Variants in LRRC9 observed in about 807,000 individuals in gnomAD.
LRRC9 encodes leucine rich repeat containing 9.
LRRC9 carries 122 observed loss-of-function variants against 63.2 expected under a neutral mutation model. The observed-to-expected ratio is 1.93, with a 90% CI of 1.67 to 2.24. The LOEUF (loss-of-function observed/expected upper bound fraction) is 2.24. Ranked by LOEUF, LRRC9 falls within the 30% of genes most tolerant of loss-of-function variation. The pLI is 0.00. For missense variants in LRRC9, 1,071 were observed against 627.7 expected (o/e 1.71, Z -7.55); for synonymous variants, 366 against 213.1 (o/e 1.72, Z -6.25).
At chr14:59,921,956 C>T (rs535303788) in intron 1 of LRRC9, among the ~76,000 whole-genome samples, 28 of 151,608 alleles carry the variant, frequency 1.8e-4, no homozygotes, top group Non-Finnish European at 3.7e-4. Context: ...TGATGGCACG[C>T]GCCTGTAGTG....
At chr14:59,925,055 C>T (rs571982051) in intron 1 of LRRC9, among the ~76,000 whole-genome samples, 91 of 152,108 alleles carry the variant, frequency 6.0e-4, no homozygotes, top group African/African-American at 2.0e-3. Flanking sequence ...TTCCTCCCAC[C>T]GCTGTCATTC....
chr14:60,045,948 T>C (rs1452069182), intron 29 of LRRC9, among the ~76,000 whole-genome samples: 1 of 152,200 alleles, frequency 6.6e-6, no homozygotes, highest in East Asian at 1.9e-4. Flanking sequence ...TTTTGACTTT[T>C]TAGTAATTGC....
intron 19 of LRRC9, among the ~76,000 whole-genome samples, chr14:60,001,740 A>T (rs1017367298): frequency 6.6e-6 from 1 of 152,192 alleles, no homozygotes; most frequent in African/African-American, 2.4e-5. Flanking sequence ...ATCATTTTAC[A>T]GTCTTATAAA....
rs1175959387 is a variant in LRRC9, at chr14:60,031,035, C to A, written c.3922-960C>A. Among the ~76,000 whole-genome samples the A allele has an allele frequency of 6.6e-6, 1 of 151,922 alleles. No homozygotes were observed. Among genetic ancestry groups the A allele is most frequent in the Non-Finnish European group, 1.5e-5 (1 of 67,930 alleles). ...TTTCACTAGTGACTACTGTTGTGTT[C>A]GGTTTAATTTGAGAAAATAATGTAA... On this transcript the variant is annotated intron_variant, in intron 28 of 31. Coordinates refer to ENST00000445360, the Ensembl canonical transcript of LRRC9. This position sits in a 1 kb window ranked among gnomAD's most constrained non-coding sequence, Gnocchi z 4.6.
chr14:60,043,001 G>C (rs947512483), intron 29 of LRRC9, among the ~76,000 whole-genome samples: 3 of 152,048 alleles, frequency 2.0e-5, no homozygotes, highest in African/African-American at 7.2e-5. Flanking sequence ...TCCTTGCATA[G>C]ATCTTTCACT....
chr14:59,933,102 T>C (rs1378567739), intron 6 of LRRC9, among the ~76,000 whole-genome samples: 1 of 152,158 alleles, frequency 6.6e-6, no homozygotes, highest in Non-Finnish European at 1.5e-5. Context: ...TCTTTCCTCA[T>C]ATACCTGCAT....
intron 13 of LRRC9, among the ~76,000 whole-genome samples, chr14:59,975,140 CAT>C (rs1217687037): frequency 0.079 from 1,069 of 13,498 alleles, 168 homozygotes; most frequent in East Asian, 0.3. Context: ...TATATATATA[CAT>C]ATATATATGT....
chr14:59,956,317 C>T (rs1203900438), intron 8 of LRRC9, among the ~76,000 whole-genome samples: 1 of 152,060 alleles, frequency 6.6e-6, no homozygotes, highest in Non-Finnish European at 1.5e-5. Flanking sequence ...AATCTGGGTG[C>T]TCCTGTATTG....
intron 17 of LRRC9, among the ~76,000 whole-genome samples, chr14:59,987,984 A>T (rs971918497): frequency 6.6e-6 from 1 of 152,200 alleles, no homozygotes; most frequent in Non-Finnish European, 1.5e-5. Flanking sequence ...TAACAGTATG[A>T]ATGCAGGGAC....
At position 60,045,006 on chromosome 14, in the gene LRRC9, C is replaced by T. The variant is rs78359931; in HGVS notation, c.3991-8059C>T. Among the ~76,000 whole-genome samples, 492 of 146,214 alleles carry T rather than the reference C, an allele frequency of 3.4e-3. 16 individuals carry two copies. In the East Asian group the frequency reaches 0.057, roughly 17 times the overall value. On this transcript the variant is annotated intron_variant, in intron 29 of 31. Coordinates refer to ENST00000445360, the Ensembl canonical transcript of LRRC9. ...TAGATATTTATAATGGTTATATTGT[C>T]TTGCTGAATTGAAACCTTTGTCATT...
At position 59,959,853 on chromosome 14, in the gene LRRC9, C is replaced by T. The variant is rs1325662711; in HGVS notation, c.918C>T (p.Gly306=). 1.0e-5 allele frequency: 7 copies of T among 667,148 alleles called. No individual in the cohort carries two copies. The East Asian group carries it at 1.9e-4, about 18-fold the overall frequency. The allele number at this position is 667,148 out of a possible 1,614,324, so 41.3% of individuals were successfully genotyped here. ...AACTGGCTGAACTCAAGGGCTCGGGCAAAGGGCACAGTGATGGATCCAATA... is the reference window on the plus strand; with the variant it reads ...AACTGGCTGAACTCAAGGGCTCGGGTAAAGGGCACAGTGATGGATCCAATA... The change falls in exon 9 of 32, where the codon GGC becomes GGT. Residue 306 remains glycine, a synonymous_variant. Coordinates refer to ENST00000445360, the Ensembl canonical transcript of LRRC9.
downstream of LRRC9, among the ~76,000 whole-genome samples, chr14:60,065,241 G>A (rs561239909): frequency 2.6e-5 from 4 of 151,818 alleles, no homozygotes; most frequent in African/African-American, 9.7e-5. Flanking sequence ...TTAGCCAGGC[G>A]TGGTGGTGTG....
intron 6 of LRRC9, among the ~76,000 whole-genome samples, chr14:59,934,533 C>T (rs775040112): frequency 6.6e-6 from 1 of 152,064 alleles, no homozygotes; most frequent in Non-Finnish European, 1.5e-5. Flanking sequence ...AACATTGAGA[C>T]CATCAGATAA....
Position 59,968,567 on chromosome 14 carries a change from G to A in LRRC9, c.1506+1354G>A, listed in dbSNP as rs186991927. ...TAGGGGAGCTATTGCAGCAGCTCAG[G>A]CCATAGAGGTTGGTACTGTCACTGC... On this transcript the variant is annotated intron_variant, in intron 12 of 31. Coordinates refer to ENST00000445360, the Ensembl canonical transcript of LRRC9. 3.5e-4 allele frequency among the ~76,000 whole-genome samples: 53 copies of A among 152,308 alleles called. 2 individuals are homozygous for A. The highest frequency in any genetic ancestry group is 1.5e-5 in the Non-Finnish European group (1 of 68,024).
chr14:59,978,331 TGTACTCCCACTG>T (rs1886544237), intron 15 of LRRC9, among the ~76,000 whole-genome samples, 199 bp downstream of exon 15: 1 of 152,224 alleles, frequency 6.6e-6, no homozygotes, highest in Non-Finnish European at 1.5e-5. Flanking sequence ...AATATATGGC[TGTACTCCCACTG>T]GAAAAGATTC....
chr14:60,031,291 A>G lies in LRRC9; in HGVS notation c.3922-704A>G, dbSNP rs143554116. On this transcript the variant is annotated intron_variant, in intron 28 of 31. Transcript: ENST00000445360. The surrounding 1 kb of genome is among the most constrained non-coding windows in gnomAD (Gnocchi z 4.6). ...TACAGTTACTAGAAGAATTTGCTAT[A>G]TGTCCACTTGTAATTCCACAAAGGA... Among the ~76,000 whole-genome samples the G allele has an allele frequency of 3.0e-3, 457 of 152,228 alleles. 2 individuals are homozygous for G. Among genetic ancestry groups the G allele is most frequent in the African/African-American group, 0.01 (436 of 41,576 alleles).
At chr14:59,977,584 G>GTA (rs1886438434) in intron 14 of LRRC9, among the ~76,000 whole-genome samples, 1 of 151,764 alleles carries the variant, frequency 6.6e-6, no homozygotes, top group South Asian at 2.1e-4. Flanking sequence ...GTGTGTGTGT[G>GTA]TGTGTGTGTG....
chr14:59,972,123 A>G (rs1406540596), intron 12 of LRRC9, among the ~76,000 whole-genome samples: 2 of 152,056 alleles, frequency 1.3e-5, no homozygotes, highest in Admixed American at 1.3e-4. Context: ...TCTACTTGTG[A>G]TTCTCCTAAG....
At chr14:60,054,425 T>C (rs147040108) in intron 30 of LRRC9, among the ~76,000 whole-genome samples, 46 of 151,994 alleles carry the variant, frequency 3.0e-4, no homozygotes, top group African/African-American at 1.0e-3. Flanking sequence ...CCCTCCCCCA[T>C]AGGTTCAAAT....
Sources: allele counts gnomAD v4.1 joint callset (sites outside exome capture counted in the v4.1 genomes callset), GRCh38; gene constraint gnomAD v4.1.1; non-coding constraint Gnocchi (gnomAD v3.1); transcripts MANE v1.5; gene names NCBI Gene and HGNC (gene_info 2026-07-23, HGNC 2026-07-21).